Variants in PDZRN4 observed in about 807,000 individuals in gnomAD.
The protein encoded by PDZRN4 is PDZ domain containing ring finger 4.
A neutral mutation model predicts 99.0 loss-of-function variants in PDZRN4; 70 were observed. The ratio of observed to expected loss-of-function variants is 0.71; its 90% CI spans 0.58 to 0.86. The LOEUF (loss-of-function observed/expected upper bound fraction) is 0.86, where lower values mean the gene tolerates loss of function less well. Ranked by LOEUF, PDZRN4 falls within the 40% of genes least tolerant of loss-of-function variation. The pLI, the probability that PDZRN4 is intolerant of heterozygous loss-of-function variation, is 0.00. For missense variants in PDZRN4, 1,474 were observed against 1,331.2 expected (o/e 1.11, Z -1.67); for synonymous variants, 551 against 501.6 (o/e 1.10, Z -1.32).
At chr12:41,349,421 A>C (rs1477031434) in intron 3 of PDZRN4, among the ~76,000 whole-genome samples, 1 of 151,822 alleles carries the variant, frequency 6.6e-6, no homozygotes, top group Non-Finnish European at 1.5e-5. Flanking sequence ...CAAATTTGAG[A>C]TTATTATAGG....
At chr12:41,195,910 A>T (rs1203486070) in intron 3 of PDZRN4, among the ~76,000 whole-genome samples, 1 of 152,154 alleles carries the variant, frequency 6.6e-6, no homozygotes, top group Non-Finnish European at 1.5e-5. Flanking sequence ...TTATTAGAAG[A>T]ACTGATGGAA....
intron 3 of PDZRN4, among the ~76,000 whole-genome samples, chr12:41,221,479 C>G (rs183086834): frequency 1.3e-4 from 20 of 151,772 alleles, no homozygotes; most frequent in African/African-American, 3.4e-4. Flanking sequence ...ATCAACAGCT[C>G]TAAGGAAAAA....
intron 3 of PDZRN4, among the ~76,000 whole-genome samples, chr12:41,499,123 A>G (rs1565599090): frequency 6.6e-6 from 1 of 152,108 alleles, no homozygotes; most frequent in Non-Finnish European, 1.5e-5. Flanking sequence ...AAGGTGAGTC[A>G]GGATTGTGAG....
At chr12:41,491,173 C>T (rs572918889) in intron 3 of PDZRN4, among the ~76,000 whole-genome samples, 1 of 152,224 alleles carries the variant, frequency 6.6e-6, no homozygotes, top group East Asian at 1.9e-4. Flanking sequence ...TCTAAACTGT[C>T]AGTCGAGTCC....
At chr12:41,484,720 T>C (rs141838581) in intron 3 of PDZRN4, among the ~76,000 whole-genome samples, 93 of 152,256 alleles carry the variant, frequency 6.1e-4, no homozygotes, top group Admixed American at 1.2e-3. Context: ...GCTGTAAACT[T>C]AACAGTGTAT....
chr12:41,319,135 C>T (rs1037516916), intron 3 of PDZRN4, among the ~76,000 whole-genome samples: 4 of 152,122 alleles, frequency 2.6e-5, no homozygotes, highest in African/African-American at 7.2e-5. Context: ...GCATTAATGC[C>T]TAAATTCTGA....
intron 3 of PDZRN4, among the ~76,000 whole-genome samples, chr12:41,271,367 A>G (rs1951313460): frequency 6.6e-6 from 1 of 152,090 alleles, no homozygotes; most frequent in African/African-American, 2.4e-5. Context: ...ATTAAATCAC[A>G]ACTGCAGGTA....
intron 3 of PDZRN4, among the ~76,000 whole-genome samples, chr12:41,360,985 G>A (rs1354623531): frequency 1.3e-5 from 2 of 149,992 alleles, no homozygotes; most frequent in Non-Finnish European, 3.0e-5. Flanking sequence ...TGTATTCTTT[G>A]GAACATACAC....
chr12:41,332,847 T>C (rs1405553), intron 3 of PDZRN4, among the ~76,000 whole-genome samples: 95,261 of 151,480 alleles, frequency 0.63, 30,227 homozygotes, highest in Middle Eastern at 0.81. Context: ...TATGTGGAAC[T>C]GCAATGACAA....
intron 5 of PDZRN4, among the ~76,000 whole-genome samples, chr12:41,549,709 G>A (rs1032630089): frequency 1.3e-5 from 2 of 152,142 alleles, no homozygotes; most frequent in Admixed American, 6.6e-5. Flanking sequence ...TTAAGTAATT[G>A]TTAATGATGA....
chr12:41,208,946 G>C (rs1950868686), intron 3 of PDZRN4, among the ~76,000 whole-genome samples: 1 of 151,812 alleles, frequency 6.6e-6, no homozygotes. Flanking sequence ...TCATGCTATA[G>C]GAATTTGGGA....
chr12:41,479,308 T>C (rs1937637582), intron 3 of PDZRN4, among the ~76,000 whole-genome samples: 1 of 152,192 alleles, frequency 6.6e-6, no homozygotes, highest in Admixed American at 6.5e-5. Context: ...GTATTTTTTC[T>C]TTTTTCTACA....
intron 3 of PDZRN4, among the ~76,000 whole-genome samples, chr12:41,241,586 T>G (rs977620643): frequency 6.6e-6 from 1 of 152,202 alleles, no homozygotes; most frequent in African/African-American, 2.4e-5. Context: ...TAATAACAAA[T>G]ACATTGGAAT....
chr12:41,304,152 C>G (rs918196121), intron 3 of PDZRN4, among the ~76,000 whole-genome samples: 1 of 152,154 alleles, frequency 6.6e-6, no homozygotes, highest in Non-Finnish European at 1.5e-5. Context: ...CATATAGTCT[C>G]AAAGCATGGA....
Position 41,567,775 on chromosome 12 carries a change from T to C in PDZRN4, c.1468-8T>C. The C allele has an allele frequency of 1.3e-6, 2 of 1,580,968 alleles. No individual in the cohort carries two copies. Among genetic ancestry groups the C allele is most frequent in the Non-Finnish European group, 1.7e-6 (2 of 1,151,728 alleles). ...CATAATATAATGTACTAATGTATTC[T>C]TTTGCAGCTGGATGAAGGCTGGCTG... On this transcript the variant is annotated splice_polypyrimidine_tract_variant and splice_region_variant and intron_variant, in intron 8 of 9. Coordinates refer to ENST00000402685, the MANE Select transcript of PDZRN4 (RefSeq NM_001164595.2).
At chr12:41,451,445 G>T (rs1952773290) in intron 3 of PDZRN4, among the ~76,000 whole-genome samples, 1 of 152,186 alleles carries the variant, frequency 6.6e-6, no homozygotes, top group African/African-American at 2.4e-5. Flanking sequence ...GTGAAAGTAA[G>T]TTAAATATAA....
At chr12:41,217,404 T>C (rs10785165) in intron 3 of PDZRN4, among the ~76,000 whole-genome samples, 104,835 of 151,828 alleles carry the variant, frequency 0.69, 36,464 homozygotes, top group South Asian at 0.75. Context: ...GTGCTGGGCT[T>C]TGCAACCTGG....
intron 3 of PDZRN4, among the ~76,000 whole-genome samples, chr12:41,198,278 A>G (rs1950791226): frequency 6.6e-6 from 1 of 151,940 alleles, no homozygotes. Context: ...AGAGTGGGAA[A>G]GGGTGGATAA....
chr12:41,239,851 C>A lies in PDZRN4; in HGVS notation c.843+45663C>A, dbSNP rs557801246. Among the ~76,000 whole-genome samples the A allele has an allele frequency of 1.8e-3, 281 of 152,156 alleles. 1 individual carries two copies. Among genetic ancestry groups the A allele is most frequent in the African/African-American group, 6.4e-3 (266 of 41,504 alleles). On this transcript the variant is annotated intron_variant, in intron 3 of 9. Transcript: ENST00000402685. The stretch of plus-strand genomic sequence containing the variant: ...ATATAAAAGCACATATTTAAAAAGG[C>A]AAATGTTAAAAATGAAAACCTTGAA...
Sources: gnomAD v4.1 joint callset for allele counts (sites outside exome capture counted in the v4.1 genomes callset) on GRCh38, gnomAD v4.1.1 for gene constraint, MANE v1.5 for transcripts, NCBI Gene and HGNC (gene_info 2026-07-23, HGNC 2026-07-21) for gene names.